The following CLCN5 variants were observed in gnomAD, a reference collection of about 807,000 sequenced individuals.
CLCN5 encodes H(+)/Cl(-) exchange transporter 5.
Under a neutral mutation model 54.0 loss-of-function variants are expected in CLCN5, and 17 were observed. The observed-to-expected ratio is 0.31, with a 90% CI of 0.22 to 0.47. The LOEUF (loss-of-function observed/expected upper bound fraction) is 0.47. CLCN5 is among the 20% of genes least tolerant of loss of function. The pLI is 1.00. For synonymous variants in CLCN5, 222 were observed against 233.0 expected (o/e 0.95, Z 0.43); for missense variants, 448 against 646.7 (o/e 0.69, Z 3.33).
chrX:49,961,762 T>C (rs1292590570), intron 3 of CLCN5, among the ~76,000 whole-genome samples: 2 of 111,849 alleles, frequency 1.8e-5, no homozygotes, highest in Non-Finnish European at 3.8e-5. Context: ...ATGGTTTTTC[T>C]TTGTCACAGT....
intron 7 of CLCN5, among the ~76,000 whole-genome samples, chrX:50,079,222 A>G (rs1470333315): frequency 9.0e-5 from 10 of 111,315 alleles, no homozygotes; most frequent in African/African-American, 2.9e-4. Context: ...CCTTAGCTAC[A>G]TTGGAAAGGC....
intron 3 of CLCN5, among the ~76,000 whole-genome samples, chrX:50,012,945 C>T (rs1930585156): frequency 8.9e-6 from 1 of 111,764 alleles, no homozygotes. Flanking sequence ...TGCTCATGTA[C>T]GTTCCCAATG....
rs1929131253 is a variant in CLCN5, at chrX:49,989,135, T to C, written c.17-53181T>C. 2.8e-5 allele frequency among the ~76,000 whole-genome samples: 3 copies of C among 108,081 alleles called. No individual in the cohort carries two copies. The Admixed American group carries it at 3.0e-4, about 11-fold the overall frequency. The allele number at this position is 108,081 out of a possible 115,157, so 93.9% of individuals were successfully genotyped here. ...TCGCCCAGGCTGGAGTGCAGTGGCATGATCGTGGCTCACTGCAGCCTGGAA... is the reference window on the plus strand; with the variant it reads ...TCGCCCAGGCTGGAGTGCAGTGGCACGATCGTGGCTCACTGCAGCCTGGAA... On this transcript the variant is annotated intron_variant, in intron 3 of 14. Transcript: ENST00000376091.
chrX:50,027,461 C>T (rs1188381667), intron 3 of CLCN5, among the ~76,000 whole-genome samples: 2 of 111,943 alleles, frequency 1.8e-5, no homozygotes, highest in African/African-American at 6.5e-5. Flanking sequence ...TTTCTTCCAG[C>T]TTGCTCATTC....
chrX:50,025,667 CTATT>C (rs1459112981), intron 3 of CLCN5, among the ~76,000 whole-genome samples: 1 of 111,354 alleles, frequency 9.0e-6, no homozygotes, highest in Non-Finnish European at 1.9e-5. Flanking sequence ...CTCTTTCCAT[CTATT>C]TATCTCTCTC....
chrX:50,092,026 A>C, intron 14 of CLCN5, 103 bp from the exon 15 acceptor site: 1 of 591,088 alleles, frequency 1.7e-6, no homozygotes, highest in East Asian at 3.5e-5. Flanking sequence ...CTAGTGATCA[A>C]AGACAAAGTT....
intron 7 of CLCN5, among the ~76,000 whole-genome samples, chrX:50,078,041 A>C (rs1933516418): frequency 9.9e-6 from 1 of 100,996 alleles, no homozygotes; most frequent in South Asian, 4.7e-4. Flanking sequence ...AAAAAAAAAA[A>C]ATCCTCTCCT....
chrX:49,931,325 TA>T (rs1235803081), intron 3 of CLCN5, among the ~76,000 whole-genome samples: 100 of 111,286 alleles, frequency 9.0e-4, no homozygotes, highest in Non-Finnish European at 1.5e-3. Flanking sequence ...ATGGATAGTA[TA>T]AAAAAAAGTC....
chrX:50,081,506 G>C (rs1176312791), intron 8 of CLCN5, 135 bp from the exon 9 acceptor site: 4 of 516,414 alleles, frequency 7.7e-6, no homozygotes, highest in Non-Finnish European at 1.0e-5. Context: ...CTTCCAAACA[G>C]GGATCACTGT....
At chrX:50,030,131 T>C (rs990574607) in intron 3 of CLCN5, among the ~76,000 whole-genome samples, 17 of 112,179 alleles carry the variant, frequency 1.5e-4, no homozygotes, top group Non-Finnish European at 3.2e-4. Flanking sequence ...TGTCAAGTTA[T>C]ATAAAAGATG....
chrX:50,092,018 A>G, intron 14 of CLCN5, 111 bp from the exon 15 acceptor site: 3 of 543,470 alleles, frequency 5.5e-6, no homozygotes, highest in African/African-American at 2.2e-5. Flanking sequence ...AAGGGCAGCT[A>G]GTGATCAAAG....
Position 50,059,296 on chromosome X carries a change from T to C in CLCN5, c.164-10583T>C, listed in dbSNP as rs1557189520. The stretch of plus-strand genomic sequence containing the variant: ...TGTTTTTCTTATTCTAAAAATATGA[T>C]GAATATTTTTAAATTCACAGTCCAC... On this transcript the variant is annotated intron_variant, in intron 4 of 14. Coordinates refer to ENST00000376091, the MANE Select transcript of CLCN5 (RefSeq NM_001127898.4). Among the ~76,000 whole-genome samples, 3 of 112,119 alleles carry C rather than the reference T, an allele frequency of 2.7e-5. 1 individual carries two copies.
At chrX:50,064,113 CCT>C (rs1341463885) in intron 4 of CLCN5, among the ~76,000 whole-genome samples, 13 of 106,761 alleles carry the variant, frequency 1.2e-4, no homozygotes, top group African/African-American at 4.5e-4. Flanking sequence ...ACAGGGATGC[CCT>C]CTCTCACCGC....
chrX:50,060,951 CTGTT>C (rs1469457101), intron 4 of CLCN5, among the ~76,000 whole-genome samples: 2 of 86,916 alleles, frequency 2.3e-5, no homozygotes, highest in Non-Finnish European at 4.4e-5. Context: ...AGGGTCCTGT[CTGTT>C]AGAAGGAAAA....
intron 4 of CLCN5, among the ~76,000 whole-genome samples, chrX:50,051,304 C>T (rs1316743958): frequency 1.9e-4 from 21 of 112,189 alleles, no homozygotes; most frequent in African/African-American, 5.2e-4. Context: ...TTTGCCTTTG[C>T]GCCTTCTTTA....
intron 4 of CLCN5, among the ~76,000 whole-genome samples, chrX:50,066,064 A>G (rs1431737766): frequency 9.6e-6 from 1 of 104,432 alleles, no homozygotes; most frequent in African/African-American, 3.6e-5. Flanking sequence ...CTAATGCTAG[A>G]TGATGAGTTA....
intron 3 of CLCN5, among the ~76,000 whole-genome samples, chrX:50,038,138 T>G (rs1443726115): frequency 1.8e-5 from 2 of 111,619 alleles, no homozygotes; most frequent in Non-Finnish European, 3.8e-5. Flanking sequence ...ACTGGAGAAG[T>G]TTGGAAAATT....
chrX:49,993,010 T>G (rs139917196), intron 3 of CLCN5, among the ~76,000 whole-genome samples: 2 of 111,710 alleles, frequency 1.8e-5, no homozygotes, highest in South Asian at 3.8e-4. Flanking sequence ...TACAATAGTT[T>G]AAGCAGATTT....
At chrX:49,943,619 A>T (rs1230014914) in intron 3 of CLCN5, among the ~76,000 whole-genome samples, 1 of 109,299 alleles carries the variant, frequency 9.1e-6, no homozygotes, top group Admixed American at 9.7e-5. Context: ...CTTTCTACAT[A>T]TGGCTAGCCA....
Sources: allele counts gnomAD v4.1 joint callset (sites outside exome capture counted in the v4.1 genomes callset), GRCh38; gene constraint gnomAD v4.1.1; transcripts MANE v1.5; gene names NCBI Gene and HGNC (gene_info 2026-07-23, HGNC 2026-07-21).